Variants in COPZ2 observed in about 807,000 individuals in gnomAD.
COPZ2 encodes the protein coat protein complex I subunit zeta 2, also known as coatomer subunit zeta-2.
A neutral mutation model predicts 33.2 loss-of-function variants in COPZ2; 30 were observed. That is an observed-to-expected ratio of 0.90 (90% CI 0.68 to 1.23). The LOEUF (loss-of-function observed/expected upper bound fraction) is 1.23. COPZ2 is among the 50% of genes most tolerant of loss of function. The pLI is 0.00. For synonymous variants in COPZ2, 89 were observed against 102.6 expected (o/e 0.87, Z 0.80); for missense variants, 263 against 262.4 (o/e 1.00, Z -0.02).
the COPZ2 span, chr17:48,046,908 G>A: frequency 1.3e-5 from 2 of 152,186 alleles, no homozygotes; most frequent in African/African-American, 4.8e-5. Flanking sequence ...TTTATTGGGA[G>A]ACACGCGTCA....
At chr17:48,027,571 T>G (rs2036834480) in intron 8 of COPZ2, 1 of 152,220 alleles carries the variant, frequency 6.6e-6, no homozygotes, top group Non-Finnish European at 1.5e-5. Flanking sequence ...AAAATTGCCT[T>G]GCAGCTGCAT....
rs558723648 is a variant in COPZ2, at chr17:48,028,482, C to T, written c.575G>A (p.Ser192Asn). ...TGCAGGGGGGCCTACCTGGGCCACA[C>T]TCTGTTCAGTCAAGCCGCCATCATC... is the stretch of plus-strand genomic sequence containing the variant. ...RADDGGLTEQ[S>N]VAQVLQSAKE... Residue 192 changes from serine to asparagine, a missense_variant, in exon 8 of 9, where the codon AGT becomes AAT. By Grantham distance (46) the Ser-to-Asn change is conservative (BLOSUM62 1). Coordinates refer to ENST00000621465, the MANE Select transcript of COPZ2 (RefSeq NM_016429.4). This position sits in a 1 kb window ranked among gnomAD's most constrained non-coding sequence, Gnocchi z 4.5. The T allele has an allele frequency of 2.7e-5, 44 of 1,609,628 alleles. No individual in the cohort carries two copies. The Middle Eastern group carries it at 5.0e-4, about 18-fold the overall frequency.
the COPZ2 span, chr17:48,043,646 G>A: frequency 1.5e-4 from 121 of 780,756 alleles, 1 homozygote; most frequent in Non-Finnish European, 1.9e-4. Context: ...TAGGGTGGGT[G>A]GAGAGAGGAT....
At chr17:48,037,934 AC>A, upstream of COPZ2, 1 of 689,866 alleles carries the variant, frequency 1.4e-6, no homozygotes, top group Non-Finnish European at 1.6e-6. The surrounding 1 kb of genome is among the most constrained non-coding windows in gnomAD (Gnocchi z 5.6). Context: ...TCCCGCCCTC[AC>A]CCCACCTCTC....
At chr17:48,043,155 A>G in the COPZ2 span, among the ~76,000 whole-genome samples, 2 of 151,878 alleles carry the variant, frequency 1.3e-5, no homozygotes, top group African/African-American at 4.8e-5. Context: ...TCTGCCCTCT[A>G]CTCCCTTCGG....
chr17:48,032,368 G>A (rs1598260729), intron 5 of COPZ2, 135 bp from the exon 6 acceptor site: 2 of 784,084 alleles, frequency 2.6e-6, no homozygotes, highest in South Asian at 3.1e-5. Flanking sequence ...AGGAGAATGT[G>A]AAGGGCAGTG....
At chr17:48,032,086 G>T in intron 6 of COPZ2, 70 bp downstream of exon 6, 1 of 1,265,842 alleles carries the variant, frequency 7.9e-7, no homozygotes, top group Non-Finnish European at 1.1e-6. Flanking sequence ...AGCCATGCTG[G>T]GTGCCATCTG....
intron 3 of COPZ2, 29 bp downstream of exon 3, chr17:48,033,834 G>A (rs775531642): frequency 6.5e-7 from 1 of 1,535,148 alleles, no homozygotes; most frequent in South Asian, 1.2e-5. Context: ...GCATCTGATA[G>A]TCTGCTGGAG....
chr17:48,030,907 A>C (rs1482562621), intron 6 of COPZ2, among the ~76,000 whole-genome samples: 3 of 152,156 alleles, frequency 2.0e-5, no homozygotes, highest in Non-Finnish European at 4.4e-5. Context: ...GGCTCCCCAA[A>C]ACCTGGCGTT....
chr17:48,032,264 C>T, intron 5 of COPZ2, 31 bp from the exon 6 acceptor site: 1 of 1,595,322 alleles, frequency 6.3e-7, no homozygotes, highest in South Asian at 1.1e-5. Flanking sequence ...CTGAGCCTCC[C>T]TGTGGCTGGG....
chr17:48,034,089 A>T, intron 2 of COPZ2, 145 bp from the exon 3 acceptor site: 2 of 605,060 alleles, frequency 3.3e-6, no homozygotes, highest in South Asian at 1.9e-5. Context: ...CTAGGCCTGC[A>T]GGCTCATTAC....
intron 2 of COPZ2, among the ~76,000 whole-genome samples, chr17:48,035,569 T>TTTTTTTG (rs1182310348): frequency 6.6e-6 from 1 of 151,212 alleles, no homozygotes. Flanking sequence ...CTAATTTTCG[T>TTTTTTTG]TTTTTTGTTT....
intron 2 of COPZ2, among the ~76,000 whole-genome samples, chr17:48,035,380 A>T (rs1347668870): frequency 6.6e-6 from 1 of 152,178 alleles, no homozygotes; most frequent in Non-Finnish European, 1.5e-5. Flanking sequence ...AAAAACTTTC[A>T]GTTCCAAATA....
intron 8 of COPZ2, among the ~76,000 whole-genome samples, chr17:48,027,278 T>C (rs1016508242): frequency 6.6e-6 from 1 of 152,240 alleles, no homozygotes; most frequent in African/African-American, 2.4e-5. Context: ...TCAAAAATGC[T>C]ATGTTTTCAT....
the COPZ2 span, among the ~76,000 whole-genome samples, chr17:48,043,179 G>T: frequency 6.6e-6 from 1 of 152,216 alleles, no homozygotes; most frequent in Non-Finnish European, 1.5e-5. Context: ...GGCACAGTAG[G>T]ATGGAGAGGT....
intron 8 of COPZ2, among the ~76,000 whole-genome samples, chr17:48,027,171 G>C (rs1016679917): frequency 2.6e-5 from 4 of 152,182 alleles, no homozygotes; most frequent in South Asian, 2.1e-4. Flanking sequence ...CAGTGGCTTA[G>C]GGTTCCCCTG....
At chr17:48,036,948 C>T (rs1290889695) in intron 1 of COPZ2, 23 bp from the exon 2 acceptor site, 2 of 1,606,342 alleles carry the variant, frequency 1.2e-6, no homozygotes, top group East Asian at 2.2e-5. Flanking sequence ...AGGAGAGTTC[C>T]GTTTGGCCCC....
chr17:48,042,445 C>G, upstream of COPZ2, among the ~76,000 whole-genome samples: 1 of 145,292 alleles, frequency 6.9e-6, no homozygotes, highest in Non-Finnish European at 1.5e-5. Context: ...TGTTGTTCCT[C>G]TTCTTAAAAT....
In COPZ2 at chr17:48,037,792, C is replaced by A. The variant is rs1442919867; in HGVS notation, c.-15G>T. On this transcript the variant is annotated 5_prime_UTR_variant, in exon 1 of 9. Transcript: ENST00000621465. The surrounding 1 kb of genome is among the most constrained non-coding windows in gnomAD (Gnocchi z 5.6). ...GGCCGCTGCATTCCGCTCGCCGCCT[C>A]GCACTGACAGCGCCGCCCGCCGCCT... The A allele has an allele frequency of 3.1e-5, 31 of 996,766 alleles. No homozygotes were observed. The highest frequency in any genetic ancestry group is 6.1e-5 in the Admixed American group (1 of 16,332). 61.7% of individuals were successfully genotyped at this position (996,766 alleles called of 1,614,324 possible).
Sources: allele counts gnomAD v4.1 joint callset (sites outside exome capture counted in the v4.1 genomes callset), GRCh38; gene constraint gnomAD v4.1.1; non-coding constraint Gnocchi (gnomAD v3.1); transcripts MANE v1.5; gene names NCBI Gene and HGNC (gene_info 2026-07-23, HGNC 2026-07-21).